Variants in GLI3 observed in about 807,000 individuals in gnomAD.
GLI3 encodes the protein transcription activator GLI3.
Under a neutral mutation model 100.8 loss-of-function variants are expected in GLI3, and 20 were observed. The observed-to-expected ratio is 0.20, with a 90% confidence interval of 0.14 to 0.29. The LOEUF (loss-of-function observed/expected upper bound fraction) is 0.29, where lower values mean the gene tolerates loss of function less well. Ranked by LOEUF, GLI3 falls within the 10% of genes least tolerant of loss-of-function variation. The pLI, the probability that GLI3 is intolerant of heterozygous loss-of-function variation, is 1.00. For missense variants in GLI3, 2,040 were observed against 2,128.5 expected (o/e 0.96, Z 0.82); for synonymous variants, 938 against 860.5 (o/e 1.09, Z -1.58).
At chr7:42,098,093 C>A (rs544584088) in intron 3 of GLI3, among the ~76,000 whole-genome samples, 1 of 152,030 alleles carries the variant, frequency 6.6e-6, no homozygotes, top group East Asian at 1.9e-4. Context: ...GCCTTGACTC[C>A]CTAAAGCAGA....
upstream of GLI3, among the ~76,000 whole-genome samples, chr7:42,238,264 C>T (rs1788874956): frequency 6.6e-6 from 1 of 152,042 alleles, no homozygotes; most frequent in African/African-American, 2.4e-5. Context: ...CTGTCTGCTC[C>T]CATCTTCTCC....
At chr7:42,215,838 A>G (rs901608847) in intron 2 of GLI3, among the ~76,000 whole-genome samples, 4 of 151,682 alleles carry the variant, frequency 2.6e-5, no homozygotes, top group African/African-American at 9.7e-5. Flanking sequence ...CTGATAACCA[A>G]CCTCATGTAA....
At chr7:42,089,129 T>C (rs1344269408) in intron 3 of GLI3, among the ~76,000 whole-genome samples, 1 of 152,206 alleles carries the variant, frequency 6.6e-6, no homozygotes, top group Non-Finnish European at 1.5e-5. Context: ...GGTCTGCTTC[T>C]GGAGTCTGCA....
intron 4 of GLI3, among the ~76,000 whole-genome samples, chr7:42,069,131 T>A (rs7776923): frequency 0.012 from 1,758 of 152,228 alleles, 31 homozygotes; most frequent in African/African-American, 0.036. Context: ...TCCTGGACCG[T>A]GCTGCTGAGC....
At chr7:42,031,754 C>A (rs1288659275) in intron 7 of GLI3, among the ~76,000 whole-genome samples, 1 of 152,180 alleles carries the variant, frequency 6.6e-6, no homozygotes, top group African/African-American at 2.4e-5. Context: ...AAAGGGCATT[C>A]CACTGGATGC....
chr7:41,983,319 A>G (rs1266681047), intron 10 of GLI3, among the ~76,000 whole-genome samples: 1 of 152,138 alleles, frequency 6.6e-6, no homozygotes, highest in Non-Finnish European at 1.5e-5. Context: ...TATAAAAGGT[A>G]CCCCAACGAA....
intron 3 of GLI3, among the ~76,000 whole-genome samples, chr7:42,085,879 T>C (rs956712798): frequency 4.6e-5 from 7 of 152,146 alleles, no homozygotes; most frequent in African/African-American, 9.7e-5. Flanking sequence ...CCAGAAATAT[T>C]TGGAAGTCTC....
chr7:41,971,389 C>G (rs1787361012), intron 13 of GLI3, among the ~76,000 whole-genome samples: 2 of 152,330 alleles, frequency 1.3e-5, no homozygotes, highest in South Asian at 4.1e-4. Context: ...CAATTAAATC[C>G]ATTCTACGCA....
At chr7:42,053,575 T>C (rs1784394980) in intron 4 of GLI3, among the ~76,000 whole-genome samples, 1 of 152,182 alleles carries the variant, frequency 6.6e-6, no homozygotes, top group Non-Finnish European at 1.5e-5. Context: ...AGATTAAAAG[T>C]AGTGCCAGGA....
intron 7 of GLI3, among the ~76,000 whole-genome samples, chr7:42,029,244 C>T (rs1789214271): frequency 6.6e-6 from 1 of 152,206 alleles, no homozygotes; most frequent in Non-Finnish European, 1.5e-5. Flanking sequence ...GAAGGCTGCT[C>T]CACTCCAGAT....
intron 2 of GLI3, among the ~76,000 whole-genome samples, chr7:42,217,378 C>A (rs1210155177): frequency 6.6e-6 from 1 of 152,036 alleles, no homozygotes; most frequent in African/African-American, 2.4e-5. Context: ...TCAAGAGAGT[C>A]GGGGCTCTTA....
At chr7:42,210,972 A>G (rs1788260584) in intron 2 of GLI3, among the ~76,000 whole-genome samples, 1 of 152,248 alleles carries the variant, frequency 6.6e-6, no homozygotes, top group Non-Finnish European at 1.5e-5. Flanking sequence ...CCCAATATTC[A>G]GCCAGTATGT....
Position 41,972,554 on chromosome 7 carries a change from T to C in GLI3, c.1886A>G (p.Lys629Arg). ...TDPSSLRKHV[K>R]TVHGPEAHVT... Reference sequence around the variant, plus strand: ...ATGAGCCTCTGGGCCATGCACTGTCTTCACATGTTTCCGGAGGGAGCTTGG... The same window carrying C: ...ATGAGCCTCTGGGCCATGCACTGTCCTCACATGTTTCCGGAGGGAGCTTGG... The change falls in exon 13 of 15, where the codon AAG (lysine) becomes AGG (arginine). Residue 629 changes from lysine to arginine, a missense_variant. Lys to Arg is a conservative substitution (Grantham distance 26). This residue lies in a region of GLI3 where 61 missense variants were observed against 150.9 expected (regional missense o/e 0.40). Coordinates refer to ENST00000395925, the MANE Select transcript of GLI3 (RefSeq NM_000168.6). The surrounding 1 kb of genome is among the most constrained non-coding windows in gnomAD (Gnocchi z 4.4). 1 of 1,612,114 alleles carries C rather than the reference T, an allele frequency of 6.2e-7. No individual in the cohort carries two copies. The highest frequency in any genetic ancestry group is 8.5e-7 in the Non-Finnish European group (1 of 1,179,926).
intron 3 of GLI3, among the ~76,000 whole-genome samples, chr7:42,117,304 C>T (rs890701844): frequency 1.2e-4 from 18 of 152,142 alleles, no homozygotes; most frequent in Admixed American, 1.1e-3. Flanking sequence ...CTTTGAGCAA[C>T]GTTTTCATTC....
upstream of GLI3, among the ~76,000 whole-genome samples, chr7:42,241,353 C>T (rs1242030794): frequency 2.6e-5 from 4 of 152,156 alleles, no homozygotes; most frequent in African/African-American, 9.7e-5. Context: ...GCTCACCTCT[C>T]TAGGTTTCCT....
At chr7:42,068,176 A>T (rs1463826476) in intron 4 of GLI3, among the ~76,000 whole-genome samples, 1 of 152,268 alleles carries the variant, frequency 6.6e-6, no homozygotes, top group Non-Finnish European at 1.5e-5. Context: ...TATTTCTAGC[A>T]TCGCACTTGA....
intron 1 of GLI3, among the ~76,000 whole-genome samples, chr7:42,226,844 G>A (rs1583662225): frequency 6.6e-6 from 1 of 152,246 alleles, no homozygotes; most frequent in East Asian, 1.9e-4. Context: ...GTCAGTGAGC[G>A]GCAAAAGGTG....
Position 42,043,595 on chromosome 7 carries a change from A to C in GLI3, c.826+1789T>G, listed in dbSNP as rs555591726. ...CTATTCTAATAAGAAATTCTGACAA[A>C]GAAAAAAGAGGTTTATTTTTATGTG... On this transcript the variant is annotated intron_variant, in intron 6 of 14. Coordinates refer to ENST00000395925, the MANE Select transcript of GLI3 (RefSeq NM_000168.6). 9.2e-5 allele frequency among the ~76,000 whole-genome samples: 14 copies of C among 152,364 alleles called. No individual in the cohort carries two copies. In the South Asian group the frequency reaches 2.9e-3, roughly 32 times the overall value.
chr7:42,149,576 T>C (rs1786807484), intron 2 of GLI3, among the ~76,000 whole-genome samples: 1 of 152,226 alleles, frequency 6.6e-6, no homozygotes, highest in African/African-American at 2.4e-5. Flanking sequence ...CAACAGACTG[T>C]GCTCTGGCAG....
Sources: gnomAD v4.1 joint callset for allele counts (sites outside exome capture counted in the v4.1 genomes callset) on GRCh38, gnomAD v4.1.1 for gene constraint, gnomAD v4.1.1 regional missense constraint, Gnocchi (gnomAD v3.1) non-coding constraint, MANE v1.5 for transcripts, NCBI Gene and HGNC (gene_info 2026-07-23, HGNC 2026-07-21) for gene names.